The following VPS51 variants were observed in gnomAD, a reference collection of about 807,000 sequenced individuals.
VPS51 encodes vacuolar protein sorting-associated protein 51 homolog.
Under a neutral mutation model 65.1 loss-of-function variants are expected in VPS51, and 55 were observed. The observed-to-expected ratio is 0.84, with a 90% CI of 0.68 to 1.06. The LOEUF is 1.06. VPS51 is among the 50% of genes least tolerant of loss of function. The probability of loss-of-function intolerance (pLI) is 0.00; values close to 1 mark genes in which losing one functional copy is unlikely to be tolerated. For synonymous variants in VPS51, 473 were observed against 489.5 expected, an observed-to-expected ratio of 0.97 and a Z score of 0.44; for missense variants, 943 against 1,101.6, an observed-to-expected ratio of 0.86 and a Z score of 2.04.
chr11:65,096,541 A>C, intron 1 of VPS51, 63 bp downstream of exon 1: 2 of 1,338,852 alleles, frequency 1.5e-6, no homozygotes, highest in Non-Finnish European at 2.0e-6. Context: ...CCCCTGCTAT[A>C]TTGCTCCCCC....
chr11:65,111,692 A>C lies in VPS51; in HGVS notation c.*105A>C. ...GCAGGTGTCAGGACCGGCCTAATAAACATGTGTGGCCTCCTCCTCTCGCTT... is the reference window on the plus strand; with the variant it reads ...GCAGGTGTCAGGACCGGCCTAATAACCATGTGTGGCCTCCTCCTCTCGCTT... On this transcript the variant is annotated 3_prime_UTR_variant, in exon 10 of 10. Coordinates refer to ENST00000279281, the MANE Select transcript of VPS51 (RefSeq NM_013265.4). The C allele has an allele frequency of 2.1e-6, 3 of 1,419,984 alleles. No individual in the cohort carries two copies. The highest frequency in any genetic ancestry group is 2.8e-6 in the Non-Finnish European group (3 of 1,078,570). 88.0% of individuals were successfully genotyped at this position (1,419,984 alleles called of 1,614,324 possible).
At chr11:65,110,145 A>G (rs1195020066) in intron 7 of VPS51, 8 of 628,158 alleles carry the variant, frequency 1.3e-5, no homozygotes, top group South Asian at 9.8e-5. Flanking sequence ...GGGAGTGCCT[A>G]TGTCCACGGT....
chr11:65,109,392 C>A lies in VPS51; in HGVS notation c.1556C>A (p.Thr519Lys). Reference protein sequence around the residue: ...CDSPGEKGGATPPALLLLLSR... With the variant: ...CDSPGEKGGAKPPALLLLLSR... ...AGCCCTGGGGAGAAGGGGGGTGCCA[C>A]ACCACCTGCCCTGCTCCTGCTGCTC... Residue 519 changes from threonine to lysine, a missense_variant, in exon 6 of 10, where the codon ACA becomes AAA. Thr to Lys is a moderately conservative substitution (Grantham distance 78). Coordinates refer to ENST00000279281, the MANE Select transcript of VPS51 (RefSeq NM_013265.4). The A allele has an allele frequency of 6.2e-7, 1 of 1,612,226 alleles. No individual in the cohort carries two copies. Among genetic ancestry groups the A allele is most frequent in the Non-Finnish European group, 8.5e-7 (1 of 1,180,022 alleles).
Position 65,107,904 on chromosome 11 carries a change from C to CA in VPS51, c.608dup (p.Arg205ProfsTer38). 1.3e-6 allele frequency: 2 copies of CA among 1,552,072 alleles called. No individual in the cohort carries two copies. The highest frequency in any genetic ancestry group is 1.7e-6 in the Non-Finnish European group (2 of 1,149,440). ...CGCCTATGGGCAGGCGGTGCGCTAC[C>CA]AGGGCCGCGCGCAGGCCGTGCTGCA... On this transcript the variant is annotated frameshift_variant, in exon 4 of 10. Coordinates refer to ENST00000279281, the MANE Select transcript of VPS51 (RefSeq NM_013265.4). LOFTEE classifies it high-confidence loss of function. This position sits in a 1 kb window ranked among gnomAD's most constrained non-coding sequence, Gnocchi z 4.0.
intron 4 of VPS51, 47 bp from the exon 5 acceptor site, chr11:65,108,150 C>A (rs1947856740): frequency 3.2e-6 from 5 of 1,579,074 alleles, no homozygotes; most frequent in Non-Finnish European, 4.3e-6. Context: ...CCTGCCCCAT[C>A]CACCGGCAGC....
At chr11:65,102,140 T>A (rs894289984) in intron 2 of VPS51, among the ~76,000 whole-genome samples, 5 of 151,754 alleles carry the variant, frequency 3.3e-5, no homozygotes, top group African/African-American at 1.2e-4. Context: ...GTCTTAGGCT[T>A]CCAAGTACCT....
At chr11:65,102,248 C>T (rs776278252) in intron 2 of VPS51, among the ~76,000 whole-genome samples, 1 of 152,122 alleles carries the variant, frequency 6.6e-6, no homozygotes, top group African/African-American at 2.4e-5. Context: ...CTCAGGTGAT[C>T]CACCTGCCTT....
chr11:65,096,664 T>C lies in VPS51; in HGVS notation c.228+186T>C, dbSNP rs1429076195. The C allele has an allele frequency of 6.3e-6, 4 of 637,050 alleles. No individual in the cohort carries two copies. The Admixed American group carries it at 9.0e-5, about 14-fold the overall frequency. The allele number at this position is 637,050 out of a possible 1,614,324, so 39.5% of individuals were successfully genotyped here. On this transcript the variant is annotated intron_variant, in intron 1 of 9. Transcript: ENST00000279281. ...GCGTCTGAGGGGATGTGAGTAGGACTGGACTGGCCTGAGGTGATGCGGCAT... is the reference window on the plus strand; with the variant it reads ...GCGTCTGAGGGGATGTGAGTAGGACCGGACTGGCCTGAGGTGATGCGGCAT...
rs202137528 is a variant in VPS51, at chr11:65,108,421, A to G, written c.950A>G (p.Gln317Arg). Residue 317 changes from glutamine to arginine, a missense_variant, in exon 5 of 10, where the codon CAG becomes CGG. Physicochemically the swap from Gln to Arg is conservative, Grantham distance 43. Around this residue, in one of 2 missense-constraint regions of VPS51, gnomAD observed 855 missense variants for 953.7 expected, o/e 0.90. Coordinates refer to ENST00000279281, the MANE Select transcript of VPS51 (RefSeq NM_013265.4). ...GGSGFVGGLC[Q>R]VAAAYQELFA... ...AGTGGCTTCGTGGGCGGCCTCTGCC[A>G]GGTGGCGGCGGCCTACCAGGAGCTG... 20 of 1,611,956 alleles carry G rather than the reference A, an allele frequency of 1.2e-5. No individual in the cohort carries two copies. Among genetic ancestry groups the G allele is most frequent in the Admixed American group, 1.7e-5 (1 of 59,992 alleles).
rs1218130092 is a variant in VPS51 at position 65,108,481 on chromosome 11, T to C, written c.1010T>C (p.Leu337Pro). The change falls in exon 5 of 10, where the codon CTG (leucine) becomes CCG (proline). Residue 337 changes from leucine to proline, a missense_variant. Around this residue, in one of 2 missense-constraint regions of VPS51, gnomAD observed 855 missense variants for 953.7 expected, o/e 0.90. Transcript: ENST00000279281. Reference sequence around the variant, plus strand: ...CAGGGCCCAGCAGGTGCCGAGAAGCTGGCGGCCTTCGCCCGGCAGCTGGGC... The same window carrying C: ...CAGGGCCCAGCAGGTGCCGAGAAGCCGGCGGCCTTCGCCCGGCAGCTGGGC... ...AAQGPAGAEK[L>P]AAFARQLGSR... 1 of 1,607,328 alleles carries C rather than the reference T, an allele frequency of 6.2e-7. No individual in the cohort carries two copies. Among genetic ancestry groups the C allele is most frequent in the Non-Finnish European group, 8.5e-7 (1 of 1,178,908 alleles).
rs1947870644 is a variant in VPS51, at chr11:65,109,298, G to A, written c.1462G>A (p.Gly488Ser). 2.5e-6 allele frequency: 4 copies of A among 1,612,270 alleles called. No homozygotes were observed. Among genetic ancestry groups the A allele is most frequent in the South Asian group, 1.1e-5 (1 of 91,052 alleles). ...PYFRGEFCSQGVREGLIVGFV... is the reference protein window; with the variant it reads ...PYFRGEFCSQSVREGLIVGFV... ...CTTGCAGGGTGAGTTCTGCAGTCAG[G>A]GTGTCCGTGAGGGCCTCATCGTGGG... Residue 488 changes from glycine (G) to serine (S), a missense_variant, in exon 6 of 10, where the codon GGT becomes AGT. Physicochemically the swap from Gly to Ser is moderately conservative, Grantham distance 56. Coordinates refer to ENST00000279281, the MANE Select transcript of VPS51 (RefSeq NM_013265.4).
At chr11:65,100,190 TA>T (rs886476897) in intron 2 of VPS51, among the ~76,000 whole-genome samples, 1 of 152,194 alleles carries the variant, frequency 6.6e-6, no homozygotes, top group African/African-American at 2.4e-5. Flanking sequence ...AATAAAAATC[TA>T]GTGTTCAGAA....
chr11:65,108,486 G>A lies in VPS51; in HGVS notation c.1015G>A (p.Ala339Thr), dbSNP rs1398491400. 6.2e-7 allele frequency: 1 copy of A among 1,605,188 alleles called. No individual in the cohort carries two copies. Among genetic ancestry groups the A allele is most frequent in the East Asian group, 2.2e-5 (1 of 44,814 alleles). ...QGPAGAEKLA[A>T]FARQLGSRYF... Reference sequence around the variant, plus strand: ...CCCAGCAGGTGCCGAGAAGCTGGCGGCCTTCGCCCGGCAGCTGGGCAGCCG... The same window carrying A: ...CCCAGCAGGTGCCGAGAAGCTGGCGACCTTCGCCCGGCAGCTGGGCAGCCG... The change falls in exon 5 of 10, where the codon GCC becomes ACC. Residue 339 changes from alanine to threonine, a missense_variant. By Grantham distance (58) the Ala-to-Thr change is moderately conservative (BLOSUM62 0). This residue lies in a region of VPS51 where 855 missense variants were observed against 953.7 expected (regional missense o/e 0.90). Coordinates refer to ENST00000279281, the MANE Select transcript of VPS51 (RefSeq NM_013265.4).
In VPS51 at chr11:65,110,385, T is replaced by A. The variant is rs1947885091; in HGVS notation, c.1879-97T>A. 9 of 1,593,196 alleles carry A rather than the reference T, an allele frequency of 5.6e-6. No homozygotes were observed. The South Asian group carries it at 9.0e-5, about 16-fold the overall frequency. ...CGCGGTGATTACCCTGTGATCCTTG[T>A]GATGCTTGAGTAGCTGACTTAGGGC... On this transcript the variant is annotated intron_variant, in intron 7 of 9. Coordinates refer to ENST00000279281, the MANE Select transcript of VPS51 (RefSeq NM_013265.4).
At chr11:65,096,518 G>GGGGGGGGGGGGGGCC in intron 1 of VPS51, 40 bp downstream of exon 1, 1 of 499,412 alleles carries the variant, frequency 2.0e-6, no homozygotes, top group Non-Finnish European at 3.7e-6. Context: ...GGGGAGGGGG[G>GGGGGGGGGGGGGGCC]AAGGGAACCA....
At chr11:65,103,230 G>A (rs2137184538) in intron 2 of VPS51, among the ~76,000 whole-genome samples, 1 of 152,218 alleles carries the variant, frequency 6.6e-6, no homozygotes, top group South Asian at 2.1e-4. Flanking sequence ...TGTAGACAGA[G>A]CAAGACCCTA....
At chr11:65,097,726 G>A (rs919961484) in intron 2 of VPS51, among the ~76,000 whole-genome samples, 11 of 152,212 alleles carry the variant, frequency 7.2e-5, no homozygotes, top group South Asian at 2.1e-4. Context: ...ACAAGATGGC[G>A]TATGCCTGTA....
rs1347812937 is a variant in VPS51, at chr11:65,107,070, G to C, written c.359-511G>C. ...AGCCTCCCTAGGCAGGATTCTATCA[G>C]GACCAAAGGGAAAGGGCCCTTCAGA... On this transcript the variant is annotated intron_variant, in intron 2 of 9. Coordinates refer to ENST00000279281, the MANE Select transcript of VPS51 (RefSeq NM_013265.4). The surrounding 1 kb of genome is among the most constrained non-coding windows in gnomAD (Gnocchi z 4.0). 1 of 436,142 alleles carries C rather than the reference G, an allele frequency of 2.3e-6. No individual in the cohort carries two copies. 27.0% of individuals were successfully genotyped at this position (436,142 alleles called of 1,614,324 possible). A position where few individuals can be genotyped will look rare whatever the true frequency, so the allele number is the denominator to read the frequency against.
In VPS51 at chr11:65,107,781, A is replaced by G. The variant is rs1449027605; in HGVS notation, c.506-22A>G. 6.2e-7 allele frequency: 1 copy of G among 1,602,972 alleles called. No individual in the cohort carries two copies. Among genetic ancestry groups the G allele is most frequent in the African/African-American group, 1.3e-5 (1 of 74,732 alleles). On this transcript the variant is annotated intron_variant, in intron 3 of 9. Coordinates refer to ENST00000279281, the MANE Select transcript of VPS51 (RefSeq NM_013265.4). The surrounding 1 kb of genome is among the most constrained non-coding windows in gnomAD (Gnocchi z 4.0). ...GGGCCTTTCCTGGGGCTCTGGGGCT[A>G]ACGTCACCCTCCGTCCCCCAGGGGT... is the stretch of plus-strand genomic sequence containing the variant.
Sources: allele counts gnomAD v4.1 joint callset (sites outside exome capture counted in the v4.1 genomes callset), GRCh38; gene constraint gnomAD v4.1.1; regional missense constraint gnomAD v4.1.1; non-coding constraint Gnocchi (gnomAD v3.1); transcripts MANE v1.5; gene names NCBI Gene and HGNC (gene_info 2026-07-23, HGNC 2026-07-21).